The following FAM185A variants were observed in gnomAD, a reference collection of about 807,000 sequenced individuals.
The protein encoded by FAM185A is protein FAM185A.
Under a neutral mutation model 45.7 loss-of-function variants are expected in FAM185A, and 21 were observed. The observed-to-expected ratio is 0.46, with a 90% CI of 0.33 to 0.66. FAM185A has a LOEUF of 0.66. Ranked by LOEUF, FAM185A falls within the 30% of genes least tolerant of loss-of-function variation. The pLI is 0.03. For missense variants in FAM185A, 305 were observed against 485.4 expected, an observed-to-expected ratio of 0.63 and a Z score of 3.49; for synonymous variants, 117 against 194.0, an observed-to-expected ratio of 0.60 and a Z score of 3.30.
chr7:102,842,244 C>T, the FAM185A span, among the ~76,000 whole-genome samples: 3 of 152,142 alleles, frequency 2.0e-5, no homozygotes, highest in East Asian at 1.9e-4. Flanking sequence ...GCTTCTGTTG[C>T]GAACCATAAA....
At chr7:102,840,083 C>T in the FAM185A span, among the ~76,000 whole-genome samples, 2 of 151,932 alleles carry the variant, frequency 1.3e-5, no homozygotes, top group Non-Finnish European at 2.9e-5. Flanking sequence ...TAAAATTTGA[C>T]AGATGCATAA....
intron 6 of FAM185A, among the ~76,000 whole-genome samples, chr7:102,784,273 C>T (rs1795624185): frequency 6.6e-6 from 1 of 151,634 alleles, no homozygotes. Context: ...GAGCTGGTAC[C>T]ATTCCTTCTG....
chr7:102,797,263 C>A (rs1349365693), intron 7 of FAM185A, among the ~76,000 whole-genome samples: 2 of 152,038 alleles, frequency 1.3e-5, no homozygotes, highest in Non-Finnish European at 2.9e-5. Flanking sequence ...GAGATAGAGA[C>A]CATACTGGCT....
intron 7 of FAM185A, among the ~76,000 whole-genome samples, chr7:102,797,905 C>T (rs1269804384): frequency 6.6e-6 from 1 of 152,190 alleles, no homozygotes; most frequent in South Asian, 2.1e-4. Flanking sequence ...AAAAAGCTCA[C>T]CTTACCAAGA....
At chr7:102,811,765 T>G (rs1797450067), downstream of FAM185A, among the ~76,000 whole-genome samples, 1 of 152,192 alleles carries the variant, frequency 6.6e-6, no homozygotes, top group Admixed American at 6.5e-5. Context: ...TAGGTTAAAA[T>G]CATACTCTTA....
chr7:102,783,365 C>T (rs1417429921), intron 6 of FAM185A, among the ~76,000 whole-genome samples: 3 of 152,032 alleles, frequency 2.0e-5, no homozygotes, highest in Non-Finnish European at 4.4e-5. Context: ...CAGCACCACA[C>T]CGCACTTATT....
rs1253535540 is a variant in FAM185A, at chr7:102,751,401, C to T, written c.452-291C>T. ...ATACTGGGGAAGAGGCTTCTACAGT[C>T]TTTCACAGGAGTACTTAACAGAATC... On this transcript the variant is annotated intron_variant, in intron 1 of 7. Transcript: ENST00000413034. 2.0e-5 allele frequency among the ~76,000 whole-genome samples: 3 copies of T among 152,134 alleles called. No individual in the cohort carries two copies. In the East Asian group the frequency reaches 5.8e-4, roughly 29 times the overall value.
downstream of FAM185A, chr7:102,813,339 A>C (rs781114614): frequency 6.3e-7 from 1 of 1,597,898 alleles, no homozygotes; most frequent in Non-Finnish European, 8.5e-7. Context: ...TTGAGGCTGA[A>C]GGTCACGCTG....
chr7:102,847,676 G>A, the FAM185A span, among the ~76,000 whole-genome samples: 1 of 151,896 alleles, frequency 6.6e-6, no homozygotes, highest in Non-Finnish European at 1.5e-5. Flanking sequence ...AGAGGTGTGC[G>A]CCACTATGCC....
intron 7 of FAM185A, among the ~76,000 whole-genome samples, chr7:102,791,424 A>G (rs1242013823): frequency 6.6e-6 from 1 of 152,290 alleles, no homozygotes; most frequent in Non-Finnish European, 1.5e-5. Context: ...GCTTGAATAT[A>G]AAGACGAATG....
At chr7:102,832,090 C>A in the FAM185A span, among the ~76,000 whole-genome samples, 1,774 of 152,180 alleles carry the variant, frequency 0.012, 15 homozygotes, top group Non-Finnish European at 0.018. Context: ...GAATAAAATA[C>A]CAGCGATGGT....
the FAM185A span, among the ~76,000 whole-genome samples, chr7:102,837,924 G>C: frequency 6.6e-6 from 1 of 152,204 alleles, no homozygotes; most frequent in African/African-American, 2.4e-5. Context: ...CTTGAGGGTA[G>C]AATCCATGTC....
chr7:102,845,876 A>G, the FAM185A span, among the ~76,000 whole-genome samples: 4 of 152,190 alleles, frequency 2.6e-5, no homozygotes, highest in African/African-American at 9.7e-5. Flanking sequence ...CCTCGCCTGA[A>G]TCCTCCCATA....
At chr7:102,834,796 G>A in the FAM185A span, 2 of 151,710 alleles carry the variant, frequency 1.3e-5, no homozygotes, top group Non-Finnish European at 2.9e-5. Flanking sequence ...TTTGCTAATG[G>A]ATTTTAAATG....
At chr7:102,765,247 T>C (rs985085646) in intron 4 of FAM185A, among the ~76,000 whole-genome samples, 2 of 152,196 alleles carry the variant, frequency 1.3e-5, no homozygotes, top group African/African-American at 2.4e-5. Flanking sequence ...ATAACACAGA[T>C]GCACTGCTTC....
chr7:102,840,384 CA>C, the FAM185A span, among the ~76,000 whole-genome samples: 58 of 152,272 alleles, frequency 3.8e-4, no homozygotes, highest in African/African-American at 1.4e-3. Flanking sequence ...AAGTTTATTT[CA>C]AAAAGTGGTG....
At chr7:102,806,142 T>TTTG (rs112645611) in intron 7 of FAM185A, among the ~76,000 whole-genome samples, 68,053 of 151,444 alleles carry the variant, frequency 0.45, 16,914 homozygotes, top group African/African-American at 0.67. Flanking sequence ...AAGCTGTTAT[T>TTTG]TTGTTGTTGT....
At chr7:102,781,215 T>C (rs1295765787) in intron 6 of FAM185A, among the ~76,000 whole-genome samples, 2 of 152,188 alleles carry the variant, frequency 1.3e-5, no homozygotes, top group Non-Finnish European at 2.9e-5. Flanking sequence ...CCTGCCTGCC[T>C]CTGTAGACTC....
chr7:102,790,113 T>A (rs1796058413), intron 7 of FAM185A, among the ~76,000 whole-genome samples: 1 of 152,132 alleles, frequency 6.6e-6, no homozygotes, highest in African/African-American at 2.4e-5. Flanking sequence ...AGATATACAC[T>A]CTAACGATAA....
Sources: allele counts gnomAD v4.1 joint callset (sites outside exome capture counted in the v4.1 genomes callset), GRCh38; gene constraint gnomAD v4.1.1; transcripts MANE v1.5; gene names NCBI Gene and HGNC (gene_info 2026-07-23, HGNC 2026-07-21).